MET: variants seen among roughly 807,000 people sequenced by gnomAD.
MET encodes hepatocyte growth factor receptor.
MET carries 48 observed loss-of-function variants against 133.1 expected under a neutral mutation model. That is an observed-to-expected ratio of 0.36 (90% confidence interval 0.29 to 0.46). The LOEUF is 0.46. Ranked by LOEUF, MET falls within the 20% of genes least tolerant of loss-of-function variation. The pLI is 1.00. For synonymous variants in MET, 628 were observed against 616.5 expected (o/e 1.02, Z -0.28); for missense variants, 1,442 against 1,695.9 (o/e 0.85, Z 2.63).
At chr7:116,795,813 C>T in intron 20 of MET, 22 bp downstream of exon 20, 1 of 1,614,222 alleles carries the variant, frequency 6.2e-7, no homozygotes, top group Non-Finnish European at 8.5e-7. Flanking sequence ...TTCTGTACCT[C>T]TTACGTTCTT....
intron 2 of MET, among the ~76,000 whole-genome samples, chr7:116,712,928 T>C (rs900401385): frequency 6.6e-6 from 1 of 152,176 alleles, no homozygotes; most frequent in Non-Finnish European, 1.5e-5. Flanking sequence ...TCAACAGCAC[T>C]CACCCTTTGA....
intron 1 of MET, among the ~76,000 whole-genome samples, chr7:116,689,636 ACGGTTCACTGCAG>A (rs1796704035): frequency 1.5e-5 from 2 of 131,314 alleles, no homozygotes; most frequent in African/African-American, 6.0e-5. Flanking sequence ...TGGTGTGATC[ACGGTTCACTGCAG>A]CCTCAACCTC....
intron 1 of MET, among the ~76,000 whole-genome samples, chr7:116,686,133 G>A (rs551007657): frequency 3.3e-5 from 5 of 151,920 alleles, no homozygotes; most frequent in Admixed American, 3.3e-4. Context: ...ATCCCCCCTT[G>A]TTCAACACCC....
intron 15 of MET, 108 bp from the exon 16 acceptor site, chr7:116,777,281 C>T: frequency 3.2e-6 from 3 of 941,460 alleles, no homozygotes; most frequent in Non-Finnish European, 5.2e-6. Flanking sequence ...TACTCTTTTG[C>T]TGTATAGAAA....
chr7:116,694,945 A>G (rs1370834057), intron 1 of MET, among the ~76,000 whole-genome samples: 1 of 152,182 alleles, frequency 6.6e-6, no homozygotes, highest in Non-Finnish European at 1.5e-5. Flanking sequence ...TCTGCCTCCC[A>G]AAGTGCTAGG....
chr7:116,771,626 G>A lies in MET; in HGVS notation c.2859G>A (p.Leu953=), dbSNP rs1355100822. 1 of 1,613,838 alleles carries A rather than the reference G, an allele frequency of 6.2e-7. No homozygotes were observed. Among genetic ancestry groups the A allele is most frequent in the Non-Finnish European group, 8.5e-7 (1 of 1,179,798 alleles). Residue 953 remains leucine (L), a synonymous_variant, in exon 13 of 21, where the codon CTG becomes CTA. Coordinates refer to ENST00000397752, the MANE Select transcript of MET (RefSeq NM_000245.4). ...TALLLLLGFF[L]WLKKRKQIKD... ...TGTTATTACTACTTGGGTTTTTCCT[G>A]TGGCTGAAAAAGAGAAAGCAAATTA...
chr7:116,767,589 A>G (rs749359098), intron 11 of MET, among the ~76,000 whole-genome samples: 13 of 152,160 alleles, frequency 8.5e-5, no homozygotes, highest in Non-Finnish European at 1.3e-4. Context: ...GCAGGATAAT[A>G]TGAGATGATT....
intron 14 of MET, 124 bp downstream of exon 14, chr7:116,772,113 T>TG (rs2117000089): frequency 9.6e-7 from 1 of 1,043,058 alleles, no homozygotes; most frequent in African/African-American, 1.6e-5. Context: ...TATTTACCTC[T>TG]GCCAAGTAAG....
intron 3 of MET, among the ~76,000 whole-genome samples, chr7:116,732,122 A>G (rs1313361854): frequency 6.6e-6 from 1 of 152,072 alleles, no homozygotes; most frequent in Non-Finnish European, 1.5e-5. Flanking sequence ...TTTTTTTTCC[A>G]TTTATAATTT....
chr7:116,771,748 A>G (rs1001624251), intron 13 of MET, 94 bp downstream of exon 13: 15 of 1,607,404 alleles, frequency 9.3e-6, no homozygotes, highest in Non-Finnish European at 1.2e-5. Context: ...GCTGTCTTAT[A>G]TGTAGTCCAT....
In MET at chr7:116,719,514, T is replaced by A. The variant is rs1792391581; in HGVS notation, c.1201-12154T>A. Among the ~76,000 whole-genome samples the A allele has an allele frequency of 3.3e-5, 5 of 152,274 alleles. 1 individual carries two copies. In the South Asian group the frequency reaches 1.0e-3, roughly 32 times the overall value. ...TTTAATTAGATCCCATTTGTCAATT[T>A]TGGCTTTTGTTGCCATTGCTTTTGG... On this transcript the variant is annotated intron_variant, in intron 2 of 20. Coordinates refer to ENST00000397752, the MANE Select transcript of MET (RefSeq NM_000245.4).
chr7:116,781,047 C>T (rs1795140056), intron 17 of MET, among the ~76,000 whole-genome samples: 1 of 152,180 alleles, frequency 6.6e-6, no homozygotes, highest in Non-Finnish European at 1.5e-5. Flanking sequence ...TAACCTCCTC[C>T]TTTATCAGGC....
Position 116,714,766 on chromosome 7 carries a change from C to CAA in MET, c.1200+14483_1200+14484insAA, listed in dbSNP as rs1050696282. On this transcript the variant is annotated intron_variant, in intron 2 of 20. Coordinates refer to ENST00000397752, the MANE Select transcript of MET (RefSeq NM_000245.4). ...GCACGCACACACACACACACACACA[C>CAA]ACACACACACAGGCCACAGGGACCC... 3.3e-5 allele frequency among the ~76,000 whole-genome samples: 5 copies of CAA among 151,904 alleles called. No homozygotes were observed. The South Asian group carries it at 6.3e-4, about 19-fold the overall frequency.
intron 5 of MET, among the ~76,000 whole-genome samples, chr7:116,754,933 AAG>A (rs772802861): frequency 3.5e-4 from 50 of 143,466 alleles, no homozygotes; most frequent in Non-Finnish European, 3.0e-4. Flanking sequence ...GAAAGAAAGA[AAG>A]AAAGAAAGAA....
In MET at chr7:116,769,771, A is replaced by T. The variant is rs1313347428; in HGVS notation, c.2710A>T (p.Asn904Tyr). ...CTVPNDLLKL[N>Y]SELNIEWKQA... ...GGTCCCCAATGACCTGCTGAAATTGAACAGCGAGCTAAATATAGAGGTGGG... is the reference window on the plus strand; with the variant it reads ...GGTCCCCAATGACCTGCTGAAATTGTACAGCGAGCTAAATATAGAGGTGGG... The change falls in exon 12 of 21, where the codon AAC becomes TAC. Residue 904 changes from asparagine to tyrosine, a missense_variant. Transcript: ENST00000397752. 18 of 1,613,758 alleles carry T rather than the reference A, an allele frequency of 1.1e-5. No homozygotes were observed. The highest frequency in any genetic ancestry group is 1.4e-5 in the Non-Finnish European group (17 of 1,179,840).
rs112486776 is a variant in MET at position 116,700,352 on chromosome 7, A to G, written c.1200+68A>G. On this transcript the variant is annotated intron_variant, in intron 2 of 20. Coordinates refer to ENST00000397752, the MANE Select transcript of MET (RefSeq NM_000245.4). ...ATTAGAAATAAGTATCAGTCTCAAAAAGAATATCCAGGGCTTCTTTTGTGC... is the reference window on the plus strand; with the variant it reads ...ATTAGAAATAAGTATCAGTCTCAAAGAGAATATCCAGGGCTTCTTTTGTGC... 1.0e-5 allele frequency: 16 copies of G among 1,529,076 alleles called. No homozygotes were observed. The African/African-American group carries it at 1.4e-4, about 13-fold the overall frequency. The allele number at this position is 1,529,076 out of a possible 1,614,324, so 94.7% of individuals were successfully genotyped here.
chr7:116,768,835 T>C (rs935084359), intron 11 of MET, among the ~76,000 whole-genome samples: 2 of 152,230 alleles, frequency 1.3e-5, no homozygotes, highest in Non-Finnish European at 2.9e-5. Context: ...TTTGCACTTC[T>C]TTCGCAAGGC....
intron 1 of MET, among the ~76,000 whole-genome samples, chr7:116,698,359 C>G (rs1284783062): frequency 2.6e-5 from 4 of 152,128 alleles, no homozygotes; most frequent in African/African-American, 9.7e-5. Flanking sequence ...AGTTCTAGGA[C>G]TTTAGTTCTG....
At chr7:116,738,278 T>C (rs1303332788) in intron 3 of MET, among the ~76,000 whole-genome samples, 1 of 152,078 alleles carries the variant, frequency 6.6e-6, no homozygotes, top group Non-Finnish European at 1.5e-5. Flanking sequence ...AAAAATGAGA[T>C]GTGATGAGCC....
Sources: gnomAD v4.1 joint callset for allele counts (sites outside exome capture counted in the v4.1 genomes callset) on GRCh38, gnomAD v4.1.1 for gene constraint, MANE v1.5 for transcripts, NCBI Gene and HGNC (gene_info 2026-07-23, HGNC 2026-07-21) for gene names.